EXOC6B: variants seen among roughly 807,000 people sequenced by gnomAD.
EXOC6B encodes the protein exocyst complex component 6B, also known as SEC15 homolog B.
A neutral mutation model predicts 113.5 loss-of-function variants in EXOC6B; 54 were observed. That is an observed-to-expected ratio of 0.48 (90% CI 0.38 to 0.60). The LOEUF (loss-of-function observed/expected upper bound fraction) is 0.60, where lower values mean the gene tolerates loss of function less well. Ranked by LOEUF, EXOC6B falls within the 20% of genes least tolerant of loss-of-function variation. The pLI is 0.00. For missense variants in EXOC6B, 797 were observed against 977.5 expected, an observed-to-expected ratio of 0.82 and a Z score of 2.46; for synonymous variants, 357 against 339.0, an observed-to-expected ratio of 1.05 and a Z score of -0.58.
intron 17 of EXOC6B, among the ~76,000 whole-genome samples, chr2:72,466,420 T>C (rs570227164): frequency 3.9e-5 from 6 of 151,996 alleles, no homozygotes; most frequent in Admixed American, 1.3e-4. Context: ...TTACCACTCT[T>C]TACCTGTTCA....
chr2:72,251,438 T>C (rs1218189859), intron 20 of EXOC6B, among the ~76,000 whole-genome samples: 1 of 152,228 alleles, frequency 6.6e-6, no homozygotes, highest in Non-Finnish European at 1.5e-5. Flanking sequence ...GGGGTAGGAA[T>C]AGATATGAAC....
intron 20 of EXOC6B, among the ~76,000 whole-genome samples, chr2:72,246,117 A>C (rs1195030237): frequency 1.3e-5 from 2 of 152,048 alleles, no homozygotes; most frequent in Non-Finnish European, 2.9e-5. Context: ...TTGAACTCTT[A>C]ATCTCAAGCA....
chr2:72,328,187 T>C (rs1464304081), intron 20 of EXOC6B, among the ~76,000 whole-genome samples: 1 of 152,118 alleles, frequency 6.6e-6, no homozygotes, highest in African/African-American at 2.4e-5. Context: ...TCAAAACAAC[T>C]TGGGCAATAC....
chr2:72,817,824 TCTC>T (rs1686345693), intron 1 of EXOC6B, among the ~76,000 whole-genome samples: 1 of 152,054 alleles, frequency 6.6e-6, no homozygotes, highest in African/African-American at 2.4e-5. Context: ...TCCAGCTACT[TCTC>T]ATCACCTCCT....
At chr2:72,313,484 A>G (rs1227695834) in intron 20 of EXOC6B, among the ~76,000 whole-genome samples, 7 of 152,200 alleles carry the variant, frequency 4.6e-5, no homozygotes, top group Admixed American at 4.6e-4. Context: ...AAAACCATAG[A>G]CAGTATACAA....
At chr2:72,502,114 T>C (rs982608046) in intron 11 of EXOC6B, among the ~76,000 whole-genome samples, 16 of 152,226 alleles carry the variant, frequency 1.1e-4, no homozygotes, top group Admixed American at 8.5e-4. Context: ...TTAATAGCAT[T>C]AATTACAAAT....
chr2:72,345,093 G>GCT (rs1689253337), intron 19 of EXOC6B, among the ~76,000 whole-genome samples: 1 of 152,092 alleles, frequency 6.6e-6, no homozygotes. Flanking sequence ...GACTGGGGTT[G>GCT]AGGATGGGTA....
chr2:72,477,746 T>C (rs1698835805), intron 17 of EXOC6B, among the ~76,000 whole-genome samples: 1 of 152,218 alleles, frequency 6.6e-6, no homozygotes, highest in Admixed American at 6.5e-5. Flanking sequence ...GATACATCAT[T>C]GCCAGACTGA....
intron 20 of EXOC6B, among the ~76,000 whole-genome samples, chr2:72,330,677 G>C (rs1377406034): frequency 1.3e-5 from 2 of 151,882 alleles, no homozygotes; most frequent in Non-Finnish European, 2.9e-5. Flanking sequence ...CTCTTCATTT[G>C]CATTGTTTAT....
chr2:72,249,114 A>C (rs1682849902), intron 20 of EXOC6B, among the ~76,000 whole-genome samples: 2 of 152,118 alleles, frequency 1.3e-5, no homozygotes, highest in Non-Finnish European at 2.9e-5. Flanking sequence ...ACAAATTTTA[A>C]AATTAGCCAG....
At chr2:72,672,791 C>T (rs1675995891) in intron 6 of EXOC6B, among the ~76,000 whole-genome samples, 1 of 152,008 alleles carries the variant, frequency 6.6e-6, no homozygotes, top group South Asian at 2.1e-4. Flanking sequence ...TTGATGGTTA[C>T]CAGAGGCTGG....
At chr2:72,180,149 T>C (rs1677992988) in intron 21 of EXOC6B, among the ~76,000 whole-genome samples, 1 of 152,230 alleles carries the variant, frequency 6.6e-6, no homozygotes, top group African/African-American at 2.4e-5. Flanking sequence ...CAGAGCTTTT[T>C]ACATGAGAAG....
At chr2:72,822,143 T>A (rs1262348356) in intron 1 of EXOC6B, among the ~76,000 whole-genome samples, 1 of 152,168 alleles carries the variant, frequency 6.6e-6, no homozygotes, top group African/African-American at 2.4e-5. Context: ...GGGATGGGAT[T>A]TGAAAAATGA....
At chr2:72,536,486 T>A (rs1702298504) in intron 8 of EXOC6B, among the ~76,000 whole-genome samples, 1 of 152,224 alleles carries the variant, frequency 6.6e-6, no homozygotes, top group Non-Finnish European at 1.5e-5. Context: ...TTTTTAAATA[T>A]CTTACCATCA....
At chr2:72,680,252 C>G (rs1263041995) in intron 6 of EXOC6B, among the ~76,000 whole-genome samples, 1 of 152,192 alleles carries the variant, frequency 6.6e-6, no homozygotes, top group African/African-American at 2.4e-5. Context: ...GTATGGCTGC[C>G]TAGCTTCAAA....
At chr2:72,184,993 G>A (rs568668702) in intron 20 of EXOC6B, among the ~76,000 whole-genome samples, 1 of 152,310 alleles carries the variant, frequency 6.6e-6, no homozygotes, top group South Asian at 2.1e-4. Flanking sequence ...GTTCTGACAC[G>A]GGAGATTTTG....
At chr2:72,439,797 T>C (rs556623406) in intron 18 of EXOC6B, among the ~76,000 whole-genome samples, 1 of 152,272 alleles carries the variant, frequency 6.6e-6, no homozygotes, top group African/African-American at 2.4e-5. Context: ...AGAAAGAGGG[T>C]ACTCTGGCTT....
intron 20 of EXOC6B, among the ~76,000 whole-genome samples, chr2:72,201,099 T>TAC (rs144173001): frequency 0.02 from 3,052 of 151,634 alleles, 98 homozygotes; most frequent in African/African-American, 0.068. Flanking sequence ...TATATATATA[T>TAC]ACACACACAC....
chr2:72,194,411 T>C (rs1679030972), intron 20 of EXOC6B, among the ~76,000 whole-genome samples: 1 of 152,084 alleles, frequency 6.6e-6, no homozygotes, highest in African/African-American at 2.4e-5. Context: ...GGTATTGTGG[T>C]TCCAGACAAC....
Sources: allele counts gnomAD v4.1 joint callset (sites outside exome capture counted in the v4.1 genomes callset), GRCh38; gene constraint gnomAD v4.1.1; transcripts MANE v1.5; gene names NCBI Gene and HGNC (gene_info 2026-07-23, HGNC 2026-07-21).